USP9Y: variants seen among roughly 807,000 people sequenced by gnomAD.
USP9Y encodes the protein ubiquitin specific peptidase 9 Y-linked.
USP9Y carries 41 observed loss-of-function variants against 53.1 expected under a neutral mutation model. That is an observed-to-expected ratio of 0.77 (90% confidence interval 0.60 to 1.00). USP9Y has a LOEUF of 1.00. Among genes scored for constraint, USP9Y ranks in the 50% least tolerant of loss-of-function variants. USP9Y has a pLI of 0.00. For synonymous variants in USP9Y, 220 were observed against 173.7 expected (o/e 1.27, Z -2.09); for missense variants, 567 against 535.8 (o/e 1.06, Z -0.58).
intron 21 of USP9Y, 22 bp downstream of exon 21, chrY:12,778,777 A>G: frequency 2.6e-6 from 1 of 381,844 alleles, no homozygotes; most frequent in Non-Finnish European, 3.7e-6. Flanking sequence ...TCTATTCAAA[A>G]TATGAAGAAA....
chrY:12,730,290 C>T (rs9786130), intron 7 of USP9Y, among the ~76,000 whole-genome samples: 6,931 of 32,627 alleles, frequency 0.21, no homozygotes, highest in African/African-American at 0.68. Flanking sequence ...CTCTAGGTCT[C>T]ATAATGTTTG....
At chrY:12,733,558 C>G in intron 7 of USP9Y, among the ~76,000 whole-genome samples, 2 of 30,838 alleles carry the variant, frequency 6.5e-5, no homozygotes, top group African/African-American at 1.3e-4. Context: ...CCTCTTGTTG[C>G]CCAGGCTGGA....
At chrY:12,806,213 T>C (rs2053524312) in intron 27 of USP9Y, among the ~76,000 whole-genome samples, 1 of 33,365 alleles carries the variant, frequency 3.0e-5, no homozygotes, top group South Asian at 6.6e-4. Context: ...ATTAATTATA[T>C]TTGGGACTTC....
intron 17 of USP9Y, among the ~76,000 whole-genome samples, chrY:12,775,158 A>G (rs2053491215): frequency 3.2e-5 from 1 of 31,290 alleles, no homozygotes; most frequent in East Asian, 8.0e-4. Flanking sequence ...TATTTCTCGC[A>G]CCTTTTTTTT....
chrY:12,705,939 TGAAAG>T, intron 1 of USP9Y, among the ~76,000 whole-genome samples: 1 of 34,100 alleles, frequency 2.9e-5, no homozygotes, highest in Non-Finnish European at 7.3e-5. Flanking sequence ...AAGTATTTAC[TGAAAG>T]GAAAGTATTA....
intron 21 of USP9Y, among the ~76,000 whole-genome samples, 160 bp from the exon 22 acceptor site, chrY:12,779,366 G>T: frequency 3.0e-5 from 1 of 33,703 alleles, no homozygotes; most frequent in Non-Finnish European, 7.4e-5. Context: ...ATTTATCAAT[G>T]TAAAAATAGT....
Position 12,726,787 on chromosome Y carries a change from A to G in USP9Y, c.651A>G (p.Ser217=). The G allele has an allele frequency of 2.5e-6, 1 of 395,953 alleles. No homozygotes were observed. The highest frequency in any genetic ancestry group is 3.6e-6 in the Non-Finnish European group (1 of 280,683). Residue 217 remains serine, a synonymous_variant, in exon 7 of 46, where the codon TCA becomes TCG. Coordinates refer to ENST00000338981, the MANE Select transcript of USP9Y (RefSeq NM_004654.4). The stretch of plus-strand genomic sequence containing the variant: ...TTGCTCGTTCTTCAGATCCTCGATC[A>G]CCAAAAGTGCGTTGGTTTGTTATTT... ...ELFARSSDPR[S]PKGWLVDLIN...
At chrY:12,703,453 G>A in intron 1 of USP9Y, among the ~76,000 whole-genome samples, 1 of 32,829 alleles carries the variant, frequency 3.0e-5, no homozygotes, top group Non-Finnish European at 7.5e-5. Flanking sequence ...TCTGACTTTA[G>A]GAGTTAAGCT....
At chrY:12,772,725 A>C (rs112760687) in intron 16 of USP9Y, among the ~76,000 whole-genome samples, 2,139 of 22,603 alleles carry the variant, frequency 0.095, no homozygotes, top group Non-Finnish European at 0.16. Context: ...AGATTGTGCC[A>C]CTACACTCCA....
chrY:12,840,713 T>C, intron 36 of USP9Y, 99 bp downstream of exon 36: 1 of 234,639 alleles, frequency 4.3e-6, no homozygotes, highest in Non-Finnish European at 6.5e-6. Context: ...TTTTCTTCAG[T>C]TTTCTTTTAT....
chrY:12,779,403 C>G, intron 21 of USP9Y, 123 bp from the exon 22 acceptor site: 1 of 203,221 alleles, frequency 4.9e-6, no homozygotes, highest in African/African-American at 7.8e-5. Context: ...AATGGTATAT[C>G]CAGAAATGTG....
chrY:12,739,495 T>C, intron 11 of USP9Y, 30 bp from the exon 12 acceptor site: 2 of 343,937 alleles, frequency 5.8e-6, no homozygotes, highest in Non-Finnish European at 8.4e-6. Flanking sequence ...TTTTTTGCTT[T>C]TATTTATTCT....
chrY:12,746,111 G>A, intron 12 of USP9Y, among the ~76,000 whole-genome samples: 3 of 33,832 alleles, frequency 8.9e-5, no homozygotes, highest in Admixed American at 8.1e-4. Context: ...ATTGACAAAT[G>A]TGATTATTTC....
rs765538835 is a variant in USP9Y, at chrY:12,837,194, T to C, written c.5196-717T>C. On this transcript the variant is annotated intron_variant, in intron 34 of 45. Transcript: ENST00000338981. Reference sequence around the variant, plus strand: ...CTTGCCTGGGCATGTTGGTACCCACTTGTAGGCCTAGCCACTAGGGAGGCT... The same window carrying C: ...CTTGCCTGGGCATGTTGGTACCCACCTGTAGGCCTAGCCACTAGGGAGGCT... 3.1e-4 allele frequency among the ~76,000 whole-genome samples: 10 copies of C among 32,224 alleles called. No individual in the cohort carries two copies. In the South Asian group the frequency reaches 7.1e-3, roughly 23 times the overall value. 86.5% of individuals were successfully genotyped at this position (32,224 alleles called of 37,273 possible).
At chrY:12,735,145 T>C (rs2053450383) in intron 7 of USP9Y, among the ~76,000 whole-genome samples, 1 of 29,578 alleles carries the variant, frequency 3.4e-5, no homozygotes, top group Non-Finnish European at 7.8e-5. Context: ...CTCCCTCTTT[T>C]TGATTTTTCT....
chrY:12,756,034 G>A (rs2053468123), intron 12 of USP9Y, among the ~76,000 whole-genome samples: 1 of 32,745 alleles, frequency 3.1e-5, no homozygotes, highest in South Asian at 6.9e-4. Context: ...TTTTTGCAAC[G>A]GGCAGTGATG....
Position 12,856,770 on chromosome Y carries a change from A to G in USP9Y, c.7359A>G (p.Ala2453=). The part of the protein sequence containing the change: ...WSPPVQSNET[A]NGYFLERSHS... ...CTCCAGTACAAAGCAATGAAACAGC[A>G]AATGGTTATTTCTTAGAAAGATCAC... The change falls in exon 44 of 46, where the codon GCA becomes GCG. Residue 2453 remains alanine, a synonymous_variant. Coordinates refer to ENST00000338981, the MANE Select transcript of USP9Y (RefSeq NM_004654.4). 1 of 398,112 alleles carries G rather than the reference A, an allele frequency of 2.5e-6. No individual in the cohort carries two copies. The highest frequency in any genetic ancestry group is 3.5e-6 in the Non-Finnish European group (1 of 283,194).
chrY:12,784,506 A>G (rs2053500087), intron 22 of USP9Y, among the ~76,000 whole-genome samples: 1 of 33,660 alleles, frequency 3.0e-5, no homozygotes, highest in Admixed American at 2.7e-4. Context: ...TTGGTATTAT[A>G]GAAATGTGTT....
chrY:12,783,844 T>A, intron 22 of USP9Y, among the ~76,000 whole-genome samples: 2 of 33,701 alleles, frequency 5.9e-5, no homozygotes, highest in Admixed American at 2.7e-4. Flanking sequence ...TCTTTCCCTA[T>A]ACGAAAGTTT....
Sources: allele counts gnomAD v4.1 joint callset (sites outside exome capture counted in the v4.1 genomes callset), GRCh38; gene constraint gnomAD v4.1.1; transcripts MANE v1.5; gene names NCBI Gene and HGNC (gene_info 2026-07-23, HGNC 2026-07-21).